Variants in MYRIP observed in about 807,000 individuals in gnomAD.
The protein encoded by MYRIP is rab effector MyRIP.
Under a neutral mutation model 98.0 loss-of-function variants are expected in MYRIP, and 49 were observed. The observed-to-expected ratio is 0.50, with a 90% CI of 0.40 to 0.63. The LOEUF (loss-of-function observed/expected upper bound fraction) is 0.63. Among genes scored for constraint, MYRIP ranks in the 30% least tolerant of loss-of-function variants. MYRIP has a pLI of 0.00. For missense variants in MYRIP, 1,004 were observed against 1,058.2 expected (o/e 0.95, Z 0.71); for synonymous variants, 404 against 409.5 (o/e 0.99, Z 0.16).
At chr3:40,086,226 G>A (rs944150521) in intron 3 of MYRIP, among the ~76,000 whole-genome samples, 3 of 152,200 alleles carry the variant, frequency 2.0e-5, no homozygotes, top group Admixed American at 1.3e-4. Context: ...CTTCCCAGCA[G>A]AGCCCCAGTC....
At position 40,260,055 on chromosome 3, in the gene MYRIP, G is replaced by GATTTA. The variant is rs1429873518; in HGVS notation, c.*1895_*1899dup. The GATTTA allele has an allele frequency of 6.6e-6, 1 of 152,606 alleles. No homozygotes were observed. Among genetic ancestry groups the GATTTA allele is most frequent in the African/African-American group, 2.4e-5 (1 of 41,438 alleles). The allele number at this position is 152,606 out of a possible 1,614,324, so 9.5% of individuals were successfully genotyped here. A position where few individuals can be genotyped will look rare whatever the true frequency, so the allele number is the denominator to read the frequency against. The stretch of plus-strand genomic sequence containing the variant: ...TTTCCTTGTGCCAAATAAGTGCAAA[G>GATTTA]ATTTAATTTACTATTAAAAACCATA... On this transcript the variant is annotated 3_prime_UTR_variant, in exon 17 of 17. Coordinates refer to ENST00000302541, the MANE Select transcript of MYRIP (RefSeq NM_015460.4).
intron 9 of MYRIP, among the ~76,000 whole-genome samples, chr3:40,186,516 C>T (rs1290887124): frequency 6.6e-6 from 1 of 152,126 alleles, no homozygotes; most frequent in East Asian, 1.9e-4. Context: ...GTGTAGAAGA[C>T]TCACCTGCCT....
At chr3:39,974,929 G>A (rs2125750340) in intron 2 of MYRIP, among the ~76,000 whole-genome samples, 1 of 152,268 alleles carries the variant, frequency 6.6e-6, no homozygotes, top group East Asian at 1.9e-4. Context: ...CAAACCCACA[G>A]TCAATATCAT....
At chr3:39,988,351 CTT>C (rs957240168) in intron 2 of MYRIP, among the ~76,000 whole-genome samples, 2 of 152,052 alleles carry the variant, frequency 1.3e-5, no homozygotes, top group African/African-American at 4.8e-5. Context: ...CCCCCACTCT[CTT>C]CTGGCTTGTG....
At chr3:39,810,908 G>C (rs1358590470) in intron 1 of MYRIP, among the ~76,000 whole-genome samples, 1 of 152,180 alleles carries the variant, frequency 6.6e-6, no homozygotes, top group African/African-American at 2.4e-5. Context: ...CCTAGAAAAT[G>C]CCTTGAGTCT....
At chr3:39,994,664 C>T (rs563502874) in intron 2 of MYRIP, among the ~76,000 whole-genome samples, 2 of 152,302 alleles carry the variant, frequency 1.3e-5, no homozygotes, top group East Asian at 3.9e-4. Context: ...CTTAAATGTC[C>T]CTGTCCGACA....
At chr3:40,006,930 G>A (rs1946648068) in intron 2 of MYRIP, among the ~76,000 whole-genome samples, 1 of 152,066 alleles carries the variant, frequency 6.6e-6, no homozygotes, top group Non-Finnish European at 1.5e-5. Flanking sequence ...GCACAATCAT[G>A]GGACCATAGT....
upstream of MYRIP, chr3:39,808,918 C>T (rs978239695): frequency 6.6e-6 from 1 of 152,220 alleles, no homozygotes; most frequent in Non-Finnish European, 1.5e-5. Context: ...CTCACTAACC[C>T]GGCGGTTCCG....
rs1559460712 is a variant in MYRIP at position 40,218,649 on chromosome 3, T to C, written c.1905+8556T>C. Among the ~76,000 whole-genome samples the C allele has an allele frequency of 8.4e-5, 11 of 131,336 alleles. 1 individual carries two copies. In the East Asian group the frequency reaches 2.1e-3, roughly 25 times the overall value. The allele number at this position is 131,336 out of a possible 152,430, so 86.2% of individuals were successfully genotyped here. On this transcript the variant is annotated intron_variant, in intron 11 of 16. Transcript: ENST00000302541. ...ATATATATATATATATATATATATA[T>C]ATATATACATACACACACATACATA...
At chr3:40,023,020 A>C (rs1350064321) in intron 2 of MYRIP, among the ~76,000 whole-genome samples, 2 of 152,212 alleles carry the variant, frequency 1.3e-5, no homozygotes, top group African/African-American at 4.8e-5. Context: ...GCACATTAAC[A>C]GTAGTTTATG....
rs1158711848 is a variant in MYRIP at position 40,204,173 on chromosome 3, T to TAATACA, written c.1666-5680_1666-5679insATACAA. 1.6e-4 allele frequency among the ~76,000 whole-genome samples: 9 copies of TAATACA among 56,952 alleles called. 1 individual carries two copies. The highest frequency in any genetic ancestry group is 5.6e-4 in the African/African-American group (9 of 16,208). 37.4% of individuals were successfully genotyped at this position (56,952 alleles called of 152,430 possible). On this transcript the variant is annotated intron_variant, in intron 10 of 16. Transcript: ENST00000302541. The stretch of plus-strand genomic sequence containing the variant: ...ATATAAATATATAATATAATATTTA[T>TAATACA]ATATTATATAATATATAAATATTAT...
At chr3:39,878,050 C>T (rs1292375424) in intron 1 of MYRIP, among the ~76,000 whole-genome samples, 2 of 152,248 alleles carry the variant, frequency 1.3e-5, no homozygotes, top group Non-Finnish European at 2.9e-5. Flanking sequence ...TGGGCAATGG[C>T]AGGCGCCCCT....
chr3:39,870,530 T>A (rs946925584), intron 1 of MYRIP, among the ~76,000 whole-genome samples: 1 of 152,222 alleles, frequency 6.6e-6, no homozygotes, highest in Non-Finnish European at 1.5e-5. Flanking sequence ...TTTTTTCTTT[T>A]TTTTTGGGTT....
chr3:40,005,731 T>C (rs1213618081), intron 2 of MYRIP, among the ~76,000 whole-genome samples: 1 of 152,234 alleles, frequency 6.6e-6, no homozygotes, highest in Non-Finnish European at 1.5e-5. Context: ...CTTTTGAGTA[T>C]CTTGTCTATA....
At chr3:40,203,726 A>T (rs1198479914) in intron 10 of MYRIP, among the ~76,000 whole-genome samples, 7 of 88,748 alleles carry the variant, frequency 7.9e-5, no homozygotes, top group Non-Finnish European at 1.1e-4. Context: ...TTATATATTT[A>T]TATATATTTA....
intron 11 of MYRIP, among the ~76,000 whole-genome samples, chr3:40,218,622 A>AT (rs1553629232): frequency 5.0e-3 from 64 of 12,750 alleles, no homozygotes; most frequent in South Asian, 6.5e-3. Flanking sequence ...TTATATATAT[A>AT]TATATATATA....
At chr3:40,152,181 A>C (rs566303589) in intron 4 of MYRIP, among the ~76,000 whole-genome samples, 121 of 152,344 alleles carry the variant, frequency 7.9e-4, no homozygotes, top group African/African-American at 2.8e-3. Flanking sequence ...ATTTCTCTAA[A>C]TACTCTGTAG....
chr3:39,933,742 A>G (rs1944593358), intron 2 of MYRIP, among the ~76,000 whole-genome samples: 1 of 152,234 alleles, frequency 6.6e-6, no homozygotes, highest in Non-Finnish European at 1.5e-5. Flanking sequence ...GGGATAAGAT[A>G]TACTATTTTG....
At chr3:40,135,767 C>T (rs1309349249) in intron 3 of MYRIP, among the ~76,000 whole-genome samples, 1 of 152,204 alleles carries the variant, frequency 6.6e-6, no homozygotes, top group African/African-American at 2.4e-5. Flanking sequence ...CCCAGAATTT[C>T]ATATCCAGCC....
Sources: allele counts gnomAD v4.1 joint callset (sites outside exome capture counted in the v4.1 genomes callset), GRCh38; gene constraint gnomAD v4.1.1; transcripts MANE v1.5; gene names NCBI Gene and HGNC (gene_info 2026-07-23, HGNC 2026-07-21).